Variants in VRK2 observed in about 807,000 individuals in gnomAD.
VRK2 encodes the protein VRK serine/threonine kinase 2, also known as serine/threonine-protein kinase VRK2.
In VRK2, 60 loss-of-function variants were observed where a neutral mutation model predicts 57.6. The ratio of observed to expected loss-of-function variants is 1.04; its 90% CI spans 0.85 to 1.29. The LOEUF (loss-of-function observed/expected upper bound fraction) is 1.29, where lower values mean the gene tolerates loss of function less well. VRK2 is among the 50% of genes most tolerant of loss of function. The pLI, the probability that VRK2 is intolerant of heterozygous loss-of-function variation, is 0.00. For missense variants in VRK2, 705 were observed against 588.1 expected (o/e 1.20, Z -2.06); for synonymous variants, 231 against 199.2 (o/e 1.16, Z -1.35).
intron 2 of VRK2, among the ~76,000 whole-genome samples, chr2:58,031,765 T>C (rs1027441561): frequency 2.6e-5 from 4 of 152,108 alleles, no homozygotes; most frequent in Non-Finnish European, 4.4e-5. Context: ...TTTCATGTGC[T>C]ATCTCTGATT....
At chr2:57,921,133 G>A (rs928015471) in intron 1 of VRK2, among the ~76,000 whole-genome samples, 1 of 151,992 alleles carries the variant, frequency 6.6e-6, no homozygotes, top group Non-Finnish European at 1.5e-5. Flanking sequence ...TTTTCAAAAT[G>A]TCTCCCAAAG....
intron 10 of VRK2, among the ~76,000 whole-genome samples, chr2:58,136,529 C>A (rs536732614): frequency 6.6e-6 from 1 of 151,850 alleles, no homozygotes; most frequent in Admixed American, 6.6e-5. Flanking sequence ...TGACTACAGA[C>A]ACGTGCCACG....
intron 7 of VRK2, among the ~76,000 whole-genome samples, chr2:58,104,898 T>C (rs961606257): frequency 1.3e-5 from 2 of 151,398 alleles, no homozygotes; most frequent in African/African-American, 4.9e-5. Flanking sequence ...AACCAATAAA[T>C]AAAGCTACAT....
intron 1 of VRK2, among the ~76,000 whole-genome samples, chr2:57,937,004 G>T (rs561292580): frequency 1.3e-5 from 2 of 152,174 alleles, no homozygotes; most frequent in South Asian, 4.1e-4. Flanking sequence ...AGGATTCCCA[G>T]ATTCTAGTTC....
upstream of VRK2, chr2:58,046,653 G>A (rs1326220181): frequency 1.2e-5 from 12 of 985,518 alleles, no homozygotes; most frequent in East Asian, 4.5e-4. Context: ...TGGACAGGCC[G>A]CTGAAAGGAA....
At chr2:58,086,305 A>G (rs1671614953) in intron 4 of VRK2, 34 bp from the exon 5 acceptor site, 1 of 1,548,992 alleles carries the variant, frequency 6.5e-7, no homozygotes, top group South Asian at 1.2e-5. Context: ...TTCAAATAAC[A>G]TGAATCTTTT....
chr2:58,151,792 C>T (rs1683119409), intron 12 of VRK2, among the ~76,000 whole-genome samples: 1 of 101,070 alleles, frequency 9.9e-6, no homozygotes, highest in African/African-American at 3.8e-5. Context: ...AGCAAGGGGT[C>T]AGTCAGCTCC....
At chr2:57,983,445 A>C (rs2104057754) in intron 1 of VRK2, among the ~76,000 whole-genome samples, 1 of 152,298 alleles carries the variant, frequency 6.6e-6, no homozygotes. Flanking sequence ...TATGTAAGAT[A>C]ACATATTCAC....
rs1678196929 is a variant in VRK2, at chr2:58,125,453, T to A, written c.676+2220T>A. The stretch of plus-strand genomic sequence containing the variant: ...GTTGGTAAGATTTCACCACCCTCGG[T>A]CTTTGGGGAGAAGACTGAACTGAGA... On this transcript the variant is annotated intron_variant, in intron 8 of 12. Coordinates refer to ENST00000340157, the MANE Select transcript of VRK2 (RefSeq NM_006296.7). 2.0e-5 allele frequency among the ~76,000 whole-genome samples: 3 copies of A among 152,054 alleles called. No homozygotes were observed. The South Asian group carries it at 6.2e-4, about 31-fold the overall frequency.
chr2:57,930,387 C>T (rs1255983188), intron 1 of VRK2, among the ~76,000 whole-genome samples: 1 of 152,126 alleles, frequency 6.6e-6, no homozygotes, highest in East Asian at 1.9e-4. Flanking sequence ...TGTGCGCTCC[C>T]TCCCCCAAAC....
chr2:58,149,903 T>C (rs1682731466), intron 12 of VRK2, among the ~76,000 whole-genome samples: 1 of 151,482 alleles, frequency 6.6e-6, no homozygotes, highest in Non-Finnish European at 1.5e-5. Flanking sequence ...GTTTGCTGAA[T>C]TCCAACTCAA....
intron 1 of VRK2, among the ~76,000 whole-genome samples, chr2:58,019,004 C>T (rs996131244): frequency 2.0e-5 from 3 of 152,110 alleles, no homozygotes; most frequent in Admixed American, 6.5e-5. Flanking sequence ...ATATGCTTAT[C>T]AATATTACAG....
chr2:58,065,166 A>G (rs537803209), intron 2 of VRK2, among the ~76,000 whole-genome samples: 1 of 152,242 alleles, frequency 6.6e-6, no homozygotes, highest in African/African-American at 2.4e-5. Flanking sequence ...AAAAATAAAG[A>G]GAAAAAAATC....
rs201899834 is a variant in VRK2 at position 57,942,547 on chromosome 2, A to G, written c.-439+34708A>G. Among the ~76,000 whole-genome samples, 22 of 149,664 alleles carry G rather than the reference A, an allele frequency of 1.5e-4. No individual in the cohort carries two copies. In the East Asian group the frequency reaches 3.4e-3, roughly 23 times the overall value. On this transcript the variant is annotated intron_variant, in intron 1 of 15. Coordinates refer to the VRK2 transcript ENST00000417641. ...AAATGTCATTCCAAAACAAAAAAAA[A>G]GGGGCATTTCTATGGTGGGTTTATG...
upstream of VRK2, chr2:58,046,763 CTGGGCCCGCCTCCCCGCGGGACTG>C (rs1294685531): frequency 2.0e-6 from 2 of 985,382 alleles, no homozygotes; most frequent in African/African-American, 1.7e-5. Flanking sequence ...GGCTCGAGTG[CTGGGCCCGCCTCCCCGCGGGACTG>C]TAGGCCCGGG....
At chr2:57,924,682 A>C (rs2717010) in intron 1 of VRK2, among the ~76,000 whole-genome samples, 1 of 151,782 alleles carries the variant, frequency 6.6e-6, no homozygotes, top group Admixed American at 6.6e-5. Context: ...TATCCCATTT[A>C]GATGCCCTTT....
intron 12 of VRK2, among the ~76,000 whole-genome samples, chr2:58,151,466 T>C (rs1301419147): frequency 6.6e-6 from 1 of 151,774 alleles, no homozygotes; most frequent in African/African-American, 2.4e-5. Context: ...TGTCTTTTTA[T>C]CTGTGGCTTT....
rs1178927608 is a variant in VRK2, at chr2:58,132,085, T to C, written c.797+157T>C. 4 of 829,636 alleles carry C rather than the reference T, an allele frequency of 4.8e-6. No homozygotes were observed. The African/African-American group carries it at 7.0e-5, about 14-fold the overall frequency. 51.4% of individuals were successfully genotyped at this position (829,636 alleles called of 1,614,324 possible). On this transcript the variant is annotated intron_variant, in intron 9 of 12. Transcript: ENST00000340157. ...ATATGTTTTAAAAAAACCAAACAAC[T>C]AACACATAAAATCCATTAAGGTAAC... is the stretch of plus-strand genomic sequence containing the variant.
intron 2 of VRK2, among the ~76,000 whole-genome samples, chr2:58,050,054 T>A (rs1427550088): frequency 1.3e-5 from 2 of 152,176 alleles, no homozygotes; most frequent in Non-Finnish European, 2.9e-5. Context: ...ATACTATGGT[T>A]ATTAAGTGCT....
Sources: gnomAD v4.1 joint callset for allele counts (sites outside exome capture counted in the v4.1 genomes callset) on GRCh38, gnomAD v4.1.1 for gene constraint, MANE v1.5 for transcripts, NCBI Gene and HGNC (gene_info 2026-07-23, HGNC 2026-07-21) for gene names.